Variants in CIB4 observed in about 807,000 individuals in gnomAD.
CIB4 encodes calcium and integrin-binding family member 4.
Under a neutral mutation model 25.8 loss-of-function variants are expected in CIB4, and 25 were observed. That is an observed-to-expected ratio of 0.97 (90% CI 0.71 to 1.35). CIB4 has a LOEUF of 1.35. Ranked by LOEUF, CIB4 falls within the 40% of genes most tolerant of loss-of-function variation. CIB4 has a pLI of 0.00. For missense variants in CIB4, 235 were observed against 228.2 expected (o/e 1.03, Z -0.19); for synonymous variants, 75 against 81.4 (o/e 0.92, Z 0.42).
chr2:26,607,919 C>T (rs1264988913), intron 3 of CIB4, among the ~76,000 whole-genome samples: 5 of 152,234 alleles, frequency 3.3e-5, no homozygotes, highest in Non-Finnish European at 4.4e-5. Flanking sequence ...GTCACCTCCA[C>T]GTGAAATCTC....
At chr2:26,622,547 C>A (rs1429320462) in intron 3 of CIB4, among the ~76,000 whole-genome samples, 1 of 151,966 alleles carries the variant, frequency 6.6e-6, no homozygotes, top group Admixed American at 6.6e-5. Context: ...AGGGGTAATA[C>A]AAGGTGCTCT....
chr2:26,620,888 A>G (rs1669191984), intron 3 of CIB4, among the ~76,000 whole-genome samples: 1 of 152,202 alleles, frequency 6.6e-6, no homozygotes. Flanking sequence ...TTGGAAACTA[A>G]ACGCATGATG....
At chr2:26,624,926 T>C (rs978467302) in intron 3 of CIB4, among the ~76,000 whole-genome samples, 9 of 152,178 alleles carry the variant, frequency 5.9e-5, no homozygotes, top group African/African-American at 1.9e-4. Flanking sequence ...AATTGGATTA[T>C]TTGTAACTCA....
Position 26,583,242 on chromosome 2 carries a change from C to T in CIB4, c.439-329G>A, listed in dbSNP as rs562225867. Among the ~76,000 whole-genome samples, 6 of 152,268 alleles carry T rather than the reference C, an allele frequency of 3.9e-5. No homozygotes were observed. In the East Asian group the frequency reaches 9.7e-4, roughly 25 times the overall value. On this transcript the variant is annotated intron_variant, in intron 5 of 6. Transcript: ENST00000288861. ...GCAGGCAGGGAGGCGGTGGTGACTCCCTCAACAGTGCTTATGGTTTTATCT... is the reference window on the plus strand; with the variant it reads ...GCAGGCAGGGAGGCGGTGGTGACTCTCTCAACAGTGCTTATGGTTTTATCT...
At chr2:26,610,149 G>T (rs1220771194) in intron 3 of CIB4, among the ~76,000 whole-genome samples, 5 of 152,208 alleles carry the variant, frequency 3.3e-5, no homozygotes, top group Admixed American at 3.3e-4. Flanking sequence ...TGGTGTCAGG[G>T]CTGCTTTGCA....
chr2:26,588,982 T>TTCC (rs1668509374), intron 4 of CIB4, among the ~76,000 whole-genome samples: 1 of 22,570 alleles, frequency 4.4e-5, no homozygotes, highest in Non-Finnish European at 1.0e-4. Flanking sequence ...TTCTTCTTTC[T>TTCC]TCTTCTTCTT....
chr2:26,630,696 C>T (rs1480920335), intron 2 of CIB4, among the ~76,000 whole-genome samples: 1 of 152,146 alleles, frequency 6.6e-6, no homozygotes, highest in African/African-American at 2.4e-5. Flanking sequence ...CCTCAGTCTG[C>T]TCCTCTTTGC....
intron 3 of CIB4, among the ~76,000 whole-genome samples, chr2:26,604,128 C>T (rs1374925820): frequency 6.6e-6 from 1 of 151,074 alleles, no homozygotes; most frequent in Non-Finnish European, 1.5e-5. Flanking sequence ...GCCTGGAATC[C>T]CAACACTTTG....
chr2:26,637,934 T>C (rs1045745362), intron 2 of CIB4, among the ~76,000 whole-genome samples: 1 of 152,168 alleles, frequency 6.6e-6, no homozygotes, highest in Non-Finnish European at 1.5e-5. Flanking sequence ...TCTGAAGGTG[T>C]CCAAGTAATA....
At chr2:26,624,747 C>T (rs141870295) in intron 3 of CIB4, among the ~76,000 whole-genome samples, 1,852 of 93,900 alleles carry the variant, frequency 0.02, 18 homozygotes, top group Middle Eastern at 0.081. Context: ...GGGTGGGGGG[C>T]GGGGCAGGCA....
intron 3 of CIB4, among the ~76,000 whole-genome samples, chr2:26,602,973 T>C (rs536155459): frequency 2.0e-4 from 29 of 145,170 alleles, no homozygotes; most frequent in African/African-American, 7.2e-4. Flanking sequence ...GAAGATCACT[T>C]GAGCCCAGAA....
chr2:26,641,250 G>C lies in CIB4; in HGVS notation c.54+11C>G. 6.2e-7 allele frequency: 1 copy of C among 1,610,292 alleles called. No homozygotes were observed. The highest frequency in any genetic ancestry group is 8.5e-7 in the Non-Finnish European group (1 of 1,176,770). On this transcript the variant is annotated intron_variant, in intron 1 of 6. Transcript: ENST00000288861. The stretch of plus-strand genomic sequence containing the variant: ...CACCTCTGCCCAGAGTCCCTAGCCC[G>C]ATCTACCCACCTGGTACTCTTCCAG...
chr2:26,616,794 G>A lies in CIB4; in HGVS notation c.186+12616C>T, dbSNP rs559837946. 4.6e-5 allele frequency among the ~76,000 whole-genome samples: 7 copies of A among 152,334 alleles called. No individual in the cohort carries two copies. The East Asian group carries it at 1.2e-3, about 25-fold the overall frequency. On this transcript the variant is annotated intron_variant, in intron 3 of 6. Coordinates refer to ENST00000288861, the MANE Select transcript of CIB4 (RefSeq NM_001029881.3). The stretch of plus-strand genomic sequence containing the variant: ...ATGTGCACACGTGTGTATCCACACA[G>A]GCACACACACGTGTCACCTGCATGG...
intron 3 of CIB4, among the ~76,000 whole-genome samples, chr2:26,608,631 C>G (rs1400566749): frequency 6.6e-6 from 1 of 152,210 alleles, no homozygotes; most frequent in Admixed American, 6.5e-5. Context: ...CTTGCCTGGA[C>G]AGAGCCTGCC....
At position 26,631,880 on chromosome 2, in the gene CIB4, G is replaced by A. The variant is rs141039230; in HGVS notation, c.90-2374C>T. ...TCTGTGTTCCCGCTGTCTCAGGCTA[G>A]CAGCCAGCTTCTGCAGCTCCAGCTC... On this transcript the variant is annotated intron_variant, in intron 2 of 6. Coordinates refer to ENST00000288861, the MANE Select transcript of CIB4 (RefSeq NM_001029881.3). Among the ~76,000 whole-genome samples the A allele has an allele frequency of 5.9e-5, 9 of 152,302 alleles. No homozygotes were observed. In the East Asian group the frequency reaches 1.7e-3, roughly 29 times the overall value.
chr2:26,582,812 C>G lies in CIB4; in HGVS notation c.527+13G>C. 6.3e-7 allele frequency: 1 copy of G among 1,580,098 alleles called. No homozygotes were observed. The highest frequency in any genetic ancestry group is 2.2e-5 in the East Asian group (1 of 44,704). ...CTCTCCTGGACAGTCTCACCCCCTC[C>G]AGAATGCCTTACTTCATGAAATCTG... is the stretch of plus-strand genomic sequence containing the variant. On this transcript the variant is annotated intron_variant, in intron 6 of 6. Coordinates refer to ENST00000288861, the MANE Select transcript of CIB4 (RefSeq NM_001029881.3).
At chr2:26,614,112 G>A (rs1283529163) in intron 3 of CIB4, among the ~76,000 whole-genome samples, 3 of 152,216 alleles carry the variant, frequency 2.0e-5, no homozygotes, top group African/African-American at 7.2e-5. Flanking sequence ...TAGGAGGCCC[G>A]AAGAGGGGAG....
rs1054878943 is a variant in CIB4, at chr2:26,628,627, G to A, written c.186+783C>T. Among the ~76,000 whole-genome samples, 14 of 152,360 alleles carry A rather than the reference G, an allele frequency of 9.2e-5. No individual in the cohort carries two copies. In the East Asian group the frequency reaches 2.5e-3, roughly 27 times the overall value. ...GAATTGAGGGCGAGTTGAGGAGAGA[G>A]AGGATTGCAAGAGCAGAAATGCAAG... On this transcript the variant is annotated intron_variant, in intron 3 of 6. Transcript: ENST00000288861.
chr2:26,595,323 G>A lies in CIB4; in HGVS notation c.187-6C>T. On this transcript the variant is annotated splice_region_variant and splice_polypyrimidine_tract_variant and intron_variant, in intron 3 of 6. Coordinates refer to ENST00000288861, the MANE Select transcript of CIB4 (RefSeq NM_001029881.3). ...CGGTCTCTGAAAGGGTTGACCTGTG[G>A]GCGACAGGAGGAGCAGGGAGGAGGT... The A allele has an allele frequency of 6.2e-7, 1 of 1,610,032 alleles. No homozygotes were observed. The highest frequency in any genetic ancestry group is 8.5e-7 in the Non-Finnish European group (1 of 1,176,772).
Sources: gnomAD v4.1 joint callset for allele counts (sites outside exome capture counted in the v4.1 genomes callset) on GRCh38, gnomAD v4.1.1 for gene constraint, MANE v1.5 for transcripts, NCBI Gene and HGNC (gene_info 2026-07-23, HGNC 2026-07-21) for gene names.